The following MGST1 variants were observed in gnomAD, a reference collection of about 807,000 sequenced individuals.
MGST1 encodes the protein microsomal glutathione S-transferase 1, also known as glutathione S-transferase 12.
Under a neutral mutation model 8.9 loss-of-function variants are expected in MGST1, and 5 were observed. The ratio of observed to expected loss-of-function variants is 0.56; its 90% CI spans 0.29 to 1.19. The LOEUF is 1.19. MGST1 is among the 50% of genes most tolerant of loss of function. The pLI, the probability that MGST1 is intolerant of heterozygous loss-of-function variation, is 0.08. For missense variants in MGST1, 182 were observed against 187.4 expected (o/e 0.97, Z 0.17); for synonymous variants, 54 against 67.8 (o/e 0.80, Z 1.00).
intron 1 of MGST1, among the ~76,000 whole-genome samples, chr12:16,405,687 A>G (rs1260704973): frequency 6.6e-6 from 1 of 150,618 alleles, no homozygotes; most frequent in Non-Finnish European, 1.5e-5. Context: ...AACCGAATCC[A>G]ACAGCACATC....
At chr12:16,473,832 G>T (rs1462422235) in intron 4 of MGST1, among the ~76,000 whole-genome samples, 3 of 152,268 alleles carry the variant, frequency 2.0e-5, no homozygotes, top group East Asian at 1.9e-4. Flanking sequence ...AGTGAGCCAT[G>T]ACTGTACCAC....
chr12:16,555,183 A>AATTC lies in MGST1; in HGVS notation n.483-34345_483-34344insATTC, dbSNP rs1211718699. 6.6e-6 allele frequency among the ~76,000 whole-genome samples: 1 copy of AATTC among 152,204 alleles called. No individual in the cohort carries two copies. The highest frequency in any genetic ancestry group is 2.4e-5 in the African/African-American group (1 of 41,456). On this transcript the variant is annotated intron_variant and non_coding_transcript_variant, in intron 4 of 4. Transcript: ENST00000538857. The surrounding 1 kb of genome is among the most constrained non-coding windows in gnomAD (Gnocchi z 5.5). ...AATTTGCTATCATTATTATTTGGTA[A>AATTC]TGATAATCTTTTCACCTTTACTTAA...
intron 4 of MGST1, among the ~76,000 whole-genome samples, chr12:16,459,513 G>A (rs547427234): frequency 6.6e-6 from 1 of 152,032 alleles, no homozygotes. Context: ...CATAGGTCAT[G>A]GATCCTGCAG....
chr12:16,420,910 G>A (rs886800338), intron 1 of MGST1, among the ~76,000 whole-genome samples: 1 of 152,072 alleles, frequency 6.6e-6, no homozygotes, highest in Non-Finnish European at 1.5e-5. Flanking sequence ...CAGCTCCTCC[G>A]GCATTCGGAT....
chr12:16,429,731 G>A (rs1940922571), intron 1 of MGST1, among the ~76,000 whole-genome samples: 1 of 152,138 alleles, frequency 6.6e-6, no homozygotes, highest in Non-Finnish European at 1.5e-5. Flanking sequence ...GCTGAAAAAT[G>A]CTAGTGATTA....
chr12:16,524,024 A>T (rs752493221), intron 4 of MGST1, among the ~76,000 whole-genome samples: 22 of 152,126 alleles, frequency 1.4e-4, no homozygotes, highest in Admixed American at 1.3e-3. Context: ...AAATGGTGTT[A>T]ATCTGTATAC....
intron 4 of MGST1, among the ~76,000 whole-genome samples, chr12:16,540,246 C>T (rs549214054): frequency 6.6e-6 from 1 of 152,266 alleles, no homozygotes; most frequent in South Asian, 2.1e-4. Flanking sequence ...TCTTTCCAGG[C>T]TCCTGGATTT....
chr12:16,395,652 G>C (rs1002186210), intron 1 of MGST1, among the ~76,000 whole-genome samples: 1 of 150,248 alleles, frequency 6.7e-6, no homozygotes, highest in Non-Finnish European at 1.5e-5. Flanking sequence ...TTCTACTTAT[G>C]AGTGAGAACA....
At chr12:16,561,279 C>A (rs886596994) in intron 4 of MGST1, among the ~76,000 whole-genome samples, 1 of 152,068 alleles carries the variant, frequency 6.6e-6, no homozygotes, top group East Asian at 1.9e-4. Context: ...CATTTCATAA[C>A]GTGAGGAAAT....
chr12:16,502,847 G>C (rs1941513399), intron 4 of MGST1, among the ~76,000 whole-genome samples: 2 of 152,098 alleles, frequency 1.3e-5, no homozygotes, highest in South Asian at 4.1e-4. Context: ...TGTGACTATG[G>C]GAACAGAAAT....
intron 3 of MGST1, chr12:16,376,117 T>C (rs1171818650): frequency 7.5e-7 from 1 of 1,327,858 alleles, no homozygotes; most frequent in Non-Finnish European, 1.0e-6. Context: ...TTTTTAATTG[T>C]TTAGAATCAA....
chr12:16,521,315 G>A (rs550718507), intron 4 of MGST1, among the ~76,000 whole-genome samples: 2 of 152,148 alleles, frequency 1.3e-5, no homozygotes, highest in East Asian at 3.9e-4. Context: ...AATTATAGAA[G>A]TACAATGTTT....
At chr12:16,360,728 A>C (rs1240202756) in intron 3 of MGST1, among the ~76,000 whole-genome samples, 1 of 152,174 alleles carries the variant, frequency 6.6e-6, no homozygotes, top group Non-Finnish European at 1.5e-5. Context: ...TTTAGAATAT[A>C]TTCCCTTTAA....
intron 2 of MGST1, among the ~76,000 whole-genome samples, chr12:16,355,209 T>C (rs1327157759): frequency 1.3e-5 from 2 of 149,078 alleles, no homozygotes; most frequent in African/African-American, 4.9e-5. Context: ...TGTTACTTTT[T>C]TTTTTTTTTT....
intron 4 of MGST1, among the ~76,000 whole-genome samples, chr12:16,528,114 A>G (rs926293304): frequency 3.9e-5 from 6 of 152,080 alleles, no homozygotes; most frequent in Admixed American, 2.6e-4. Flanking sequence ...AGACCTAGCC[A>G]GATGATGAAT....
chr12:16,495,623 T>A (rs538055182), intron 4 of MGST1, among the ~76,000 whole-genome samples: 1 of 152,098 alleles, frequency 6.6e-6, no homozygotes, highest in East Asian at 1.9e-4. Context: ...AACCGGAAAA[T>A]GACCATTTTT....
Position 16,586,015 on chromosome 12 carries a change from GT to G in MGST1, n.483-3508del, listed in dbSNP as rs1263456440. Among the ~76,000 whole-genome samples, 1 of 152,134 alleles carries G rather than the reference GT, an allele frequency of 6.6e-6. No individual in the cohort carries two copies. Among genetic ancestry groups the G allele is most frequent in the African/African-American group, 2.4e-5 (1 of 41,438 alleles). On this transcript the variant is annotated intron_variant and non_coding_transcript_variant, in intron 4 of 4. Coordinates refer to the MGST1 transcript ENST00000538857. This position sits in a 1 kb window ranked among gnomAD's most constrained non-coding sequence, Gnocchi z 4.3. ...CCAATAGCATCCTTAGGACACTGAT[GT>G]TTTTGCAGCTGTTAATGAAAATCTT... is the stretch of plus-strand genomic sequence containing the variant.
chr12:16,433,492 G>A (rs1940957062), intron 1 of MGST1, among the ~76,000 whole-genome samples: 1 of 152,018 alleles, frequency 6.6e-6, no homozygotes. Context: ...GTAGGAAAAA[G>A]CCTATGTCCT....
intron 1 of MGST1, among the ~76,000 whole-genome samples, chr12:16,409,605 TAGAATAC>T (rs889006627): frequency 6.6e-6 from 1 of 152,092 alleles, no homozygotes; most frequent in African/African-American, 2.4e-5. Flanking sequence ...TTTACCTCCC[TAGAATAC>T]AGAAGTGTAA....
Sources: gnomAD v4.1 joint callset for allele counts (sites outside exome capture counted in the v4.1 genomes callset) on GRCh38, gnomAD v4.1.1 for gene constraint, Gnocchi (gnomAD v3.1) non-coding constraint, MANE v1.5 for transcripts, NCBI Gene and HGNC (gene_info 2026-07-23, HGNC 2026-07-21) for gene names.